Variants in ABLIM1 observed in about 807,000 individuals in gnomAD.
The protein encoded by ABLIM1 is actin binding LIM protein 1.
ABLIM1 carries 40 observed loss-of-function variants against 107.0 expected under a neutral mutation model. The observed-to-expected ratio is 0.37, with a 90% CI of 0.29 to 0.49. The LOEUF (loss-of-function observed/expected upper bound fraction) is 0.49. Among genes scored for constraint, ABLIM1 ranks in the 20% least tolerant of loss-of-function variants. ABLIM1 has a pLI of 0.97. For missense variants in ABLIM1, 857 were observed against 1,008.5 expected (o/e 0.85, Z 2.04); for synonymous variants, 357 against 357.3 (o/e 1.00, Z 0.01).
chr10:114,532,502 A>G (rs942013442), intron 6 of ABLIM1, among the ~76,000 whole-genome samples: 2 of 152,252 alleles, frequency 1.3e-5, no homozygotes, highest in Non-Finnish European at 2.9e-5. Flanking sequence ...CAGCCTGTCC[A>G]TGGTGGCAGA....
In ABLIM1 at chr10:114,676,431, C is replaced by T. The variant is rs1348566230; in HGVS notation, c.64+7859G>A. On this transcript the variant is annotated intron_variant, in intron 1 of 23. Transcript: ENST00000369256. ...AGCGGAGATTGCAGTGAACCGAGAT[C>T]GCGACACTGCACTCCAGCCTGGCGA... Among the ~76,000 whole-genome samples, 3 of 151,760 alleles carry T rather than the reference C, an allele frequency of 2.0e-5. No individual in the cohort carries two copies. The East Asian group carries it at 5.8e-4, about 30-fold the overall frequency.
In ABLIM1 at chr10:114,600,434, C is replaced by T. The variant is rs2075866054; in HGVS notation, c.379+1393G>A. Among the ~76,000 whole-genome samples, 3 of 152,324 alleles carry T rather than the reference C, an allele frequency of 2.0e-5. No homozygotes were observed. The South Asian group carries it at 6.2e-4, about 32-fold the overall frequency. ...CTTCCACCTTCTTACCCTAGCTACACATGCTAGTGTTCTTTCTCCTGAAAA... is the reference window on the plus strand; with the variant it reads ...CTTCCACCTTCTTACCCTAGCTACATATGCTAGTGTTCTTTCTCCTGAAAA... On this transcript the variant is annotated intron_variant, in intron 2 of 22. Transcript: ENST00000533213.
At chr10:114,466,043 T>C (rs771857021) in intron 11 of ABLIM1, among the ~76,000 whole-genome samples, 4 of 152,224 alleles carry the variant, frequency 2.6e-5, no homozygotes, top group Non-Finnish European at 5.9e-5. Flanking sequence ...CTTGGGCTTA[T>C]TACAAAATTT....
At chr10:114,559,451 A>AG (rs1565932151) in intron 4 of ABLIM1, among the ~76,000 whole-genome samples, 2 of 137,916 alleles carry the variant, frequency 1.5e-5, no homozygotes, top group African/African-American at 2.8e-5. Context: ...AAAAAAAAAA[A>AG]AAAAAAAAAA....
intron 16 of ABLIM1, 45 bp downstream of exon 16, chr10:114,445,267 T>C (rs1589732950): frequency 3.3e-6 from 5 of 1,520,768 alleles, no homozygotes; most frequent in Non-Finnish European, 4.6e-6. Context: ...ATAGATCTTA[T>C]GTAACTAGCA....
At position 114,575,030 on chromosome 10, in the gene ABLIM1, G is replaced by A. The variant is rs751443420; in HGVS notation, c.563+386C>T. On this transcript the variant is annotated intron_variant, in intron 3 of 22. Transcript: ENST00000533213. ...AGCCCATGGGACACAGTTTGCCACC[G>A]CCTATTATAGATGAAAGAGACCATT... Among the ~76,000 whole-genome samples the A allele has an allele frequency of 1.6e-4, 24 of 152,234 alleles. No individual in the cohort carries two copies. The South Asian group carries it at 1.9e-3, about 12-fold the overall frequency.
At chr10:114,632,206 C>G in intron 1 of ABLIM1, 1 of 985,420 alleles carries the variant, frequency 1.0e-6, no homozygotes, top group South Asian at 4.7e-5. Context: ...CTCGCTACAG[C>G]TGCTGCTGTA....
rs1473633676 is a variant in ABLIM1, at chr10:114,444,080, G to A, written c.1882C>T (p.Arg628Trp). 32 of 1,612,700 alleles carry A rather than the reference G, an allele frequency of 2.0e-5. No homozygotes were observed. Among genetic ancestry groups the A allele is most frequent in the Non-Finnish European group, 2.5e-5 (30 of 1,179,658 alleles). ...CTGGCTAACAGAGATGACCTTTCCC[G>A]GCTCTCTTTCTCCATCTCTTCTTTC... ...ILKEEMEKES[R>W]ERSSLLASRY... The change falls in exon 17 of 23, where the codon CGG becomes TGG. Residue 628 changes from arginine to tryptophan, a missense_variant. This residue lies in a region of ABLIM1 where 193 missense variants were observed against 208.5 expected (regional missense o/e 0.93). Transcript: ENST00000533213.
intron 1 of ABLIM1, among the ~76,000 whole-genome samples, chr10:114,749,477 C>CACACACACACAA (rs1175437270): frequency 2.0e-5 from 3 of 151,600 alleles, no homozygotes; most frequent in African/African-American, 7.3e-5. Flanking sequence ...CACACACACA[C>CACACACACACAA]ACACACACCA....
intron 4 of ABLIM1, among the ~76,000 whole-genome samples, chr10:114,551,154 G>T (rs2068011371): frequency 6.6e-6 from 1 of 152,216 alleles, no homozygotes; most frequent in East Asian, 1.9e-4. Flanking sequence ...TGCCTAGGCT[G>T]CTATCAGGAA....
chr10:114,541,827 G>A (rs2066692338), intron 6 of ABLIM1, among the ~76,000 whole-genome samples: 1 of 152,116 alleles, frequency 6.6e-6, no homozygotes, highest in South Asian at 2.1e-4. Flanking sequence ...TCTTCCAAAT[G>A]GCATGTTCTT....
intron 1 of ABLIM1, among the ~76,000 whole-genome samples, chr10:114,606,923 A>T (rs1287700919): frequency 6.6e-6 from 1 of 152,086 alleles, no homozygotes; most frequent in African/African-American, 2.4e-5. Context: ...CAGTGCTTGA[A>T]CCTTGATTCT....
intron 1 of ABLIM1, among the ~76,000 whole-genome samples, chr10:114,718,082 G>GAAGA (rs2081736735): frequency 1.1e-5 from 1 of 92,254 alleles, no homozygotes; most frequent in Non-Finnish European, 2.6e-5. Flanking sequence ...AGGAAGGAAG[G>GAAGA]AAGGAAGGAA....
At chr10:114,484,056 A>G (rs1344455489) in intron 8 of ABLIM1, among the ~76,000 whole-genome samples, 1 of 152,156 alleles carries the variant, frequency 6.6e-6, no homozygotes, top group Admixed American at 6.5e-5. Context: ...GCCCCCTGAC[A>G]ACAGCCTTAG....
At chr10:114,771,704 G>A (rs960953758), upstream of ABLIM1, among the ~76,000 whole-genome samples, 6 of 152,118 alleles carry the variant, frequency 3.9e-5, no homozygotes, top group Non-Finnish European at 8.8e-5. Flanking sequence ...AAAGCAAATT[G>A]TAAAGTGCAA....
At chr10:114,759,135 A>G (rs1405654609) in intron 1 of ABLIM1, among the ~76,000 whole-genome samples, 1 of 152,172 alleles carries the variant, frequency 6.6e-6, no homozygotes, top group East Asian at 1.9e-4. Context: ...CAATAATACA[A>G]AGGCTTTTAT....
chr10:114,500,683 GAAAAAAAA>G (rs71007473), intron 6 of ABLIM1, among the ~76,000 whole-genome samples: 1 of 52,532 alleles, frequency 1.9e-5, no homozygotes, highest in Non-Finnish European at 3.6e-5. Context: ...TGTGTCGAAA[GAAAAAAAA>G]AAAAAAAAAA....
chr10:114,730,792 C>T (rs747604219), intron 1 of ABLIM1, among the ~76,000 whole-genome samples: 3 of 152,044 alleles, frequency 2.0e-5, no homozygotes, highest in Non-Finnish European at 2.9e-5. Flanking sequence ...AAAATAAAAC[C>T]TTGTGTCCAT....
chr10:114,568,138 C>T (rs576668282), intron 4 of ABLIM1, among the ~76,000 whole-genome samples: 6 of 134,738 alleles, frequency 4.5e-5, no homozygotes, highest in African/African-American at 1.5e-4. Flanking sequence ...TGCAGTGAGC[C>T]GAGATTGCGC....
Sources: allele counts gnomAD v4.1 joint callset (sites outside exome capture counted in the v4.1 genomes callset), GRCh38; gene constraint gnomAD v4.1.1; regional missense constraint gnomAD v4.1.1; transcripts MANE v1.5; gene names NCBI Gene and HGNC (gene_info 2026-07-23, HGNC 2026-07-21).